Variants in POU6F2 observed in about 807,000 individuals in gnomAD.
POU6F2 encodes POU class 6 homeobox 2.
A neutral mutation model predicts 71.3 loss-of-function variants in POU6F2; 31 were observed. The observed-to-expected ratio is 0.43, with a 90% confidence interval of 0.33 to 0.59. POU6F2 has a LOEUF of 0.59. POU6F2 is among the 20% of genes least tolerant of loss of function. The pLI, the probability that POU6F2 is intolerant of heterozygous loss-of-function variation, is 0.04. For synonymous variants in POU6F2, 347 were observed against 355.7 expected (o/e 0.98, Z 0.27); for missense variants, 783 against 856.8 (o/e 0.91, Z 1.07).
At chr7:38,997,551 A>T (rs908102921) in intron 1 of POU6F2, among the ~76,000 whole-genome samples, 22 of 152,158 alleles carry the variant, frequency 1.4e-4, no homozygotes, top group African/African-American at 5.3e-4. Flanking sequence ...TTTTAGGGGT[A>T]TTATAAGCCT....
At position 39,347,743 on chromosome 7, in the gene POU6F2, T is replaced by TGCCTCAGCCTCCC. The variant is rs1199295448; in HGVS notation, c.972+7730_972+7742dup. On this transcript the variant is annotated intron_variant, in intron 5 of 9. Coordinates refer to ENST00000518318, the MANE Select transcript of POU6F2 (RefSeq NM_001370959.1). ...ACCTCCCAGGCTCAAGCCATCCTCCTGCCTCAGCCTCCCGAGCGTCTGGGA... is the reference window on the plus strand; with the variant it reads ...ACCTCCCAGGCTCAAGCCATCCTCCTGCCTCAGCCTCCCGCCTCAGCCTCCCGAGCGTCTGGGA... 6.2e-5 allele frequency among the ~76,000 whole-genome samples: 9 copies of TGCCTCAGCCTCCC among 144,904 alleles called. 1 individual carries two copies. Among genetic ancestry groups the TGCCTCAGCCTCCC allele is most frequent in the Non-Finnish European group, 1.2e-4 (8 of 64,644 alleles).
At chr7:39,329,010 T>C (rs17619162) in intron 4 of POU6F2, 17,806 of 159,118 alleles carry the variant, frequency 0.11, 1,245 homozygotes, top group Non-Finnish European at 0.15. Context: ...AAACAATGTC[T>C]AGTCCATGCA....
At position 39,015,830 on chromosome 7, in the gene POU6F2, G is replaced by GATATATATTATATTATATATAGAT. The variant is rs369581413; in HGVS notation, c.105+37779_105+37780insTTATATTATATATAGATATATATA. Among the ~76,000 whole-genome samples, 37 of 64,544 alleles carry GATATATATTATATTATATATAGAT rather than the reference G, an allele frequency of 5.7e-4. 2 individuals are homozygous for GATATATATTATATTATATATAGAT. Among genetic ancestry groups the GATATATATTATATTATATATAGAT allele is most frequent in the South Asian group, 2.8e-3 (6 of 2,108 alleles). 42.3% of individuals were successfully genotyped at this position (64,544 alleles called of 152,430 possible). On this transcript the variant is annotated intron_variant, in intron 1 of 9. Coordinates refer to ENST00000518318, the MANE Select transcript of POU6F2 (RefSeq NM_001370959.1). ...ATTATATAGGTATATATTATATATA[G>GATATATATTATATTATATATAGAT]ATATATAATATATTATATATAGATA...
At chr7:39,101,446 ATTT>A (rs34625792) in intron 2 of POU6F2, among the ~76,000 whole-genome samples, 3 of 141,714 alleles carry the variant, frequency 2.1e-5, no homozygotes, top group Non-Finnish European at 1.5e-5. Context: ...TCTAGGCAAG[ATTT>A]TTTTTTTTTT....
chr7:39,434,677 C>A (rs189735206), intron 7 of POU6F2, among the ~76,000 whole-genome samples: 16 of 148,356 alleles, frequency 1.1e-4, no homozygotes, highest in African/African-American at 2.0e-4. Context: ...ACAAAAAACA[C>A]AAAAAAAAAT....
At chr7:39,325,668 A>T (rs1785490054) in intron 4 of POU6F2, among the ~76,000 whole-genome samples, 1 of 152,196 alleles carries the variant, frequency 6.6e-6, no homozygotes, top group Admixed American at 6.5e-5. Flanking sequence ...CAGGGGATGG[A>T]TTAAATCAAC....
At chr7:39,126,550 A>G (rs1792141070) in intron 2 of POU6F2, among the ~76,000 whole-genome samples, 2 of 152,340 alleles carry the variant, frequency 1.3e-5, no homozygotes, top group South Asian at 2.1e-4. Context: ...CATGAACTAC[A>G]GCAAAATTTG....
At chr7:39,290,498 G>A (rs930180999) in intron 4 of POU6F2, among the ~76,000 whole-genome samples, 1 of 152,196 alleles carries the variant, frequency 6.6e-6, no homozygotes, top group Non-Finnish European at 1.5e-5. Context: ...GCTGAACCTG[G>A]TGAATGGCTT....
rs554205154 is a variant in POU6F2 at position 39,196,267 on chromosome 7, T to C, written c.278-7968T>C. Among the ~76,000 whole-genome samples, 6 of 152,296 alleles carry C rather than the reference T, an allele frequency of 3.9e-5. No individual in the cohort carries two copies. In the East Asian group the frequency reaches 1.2e-3, roughly 29 times the overall value. On this transcript the variant is annotated intron_variant, in intron 2 of 9. Coordinates refer to ENST00000518318, the MANE Select transcript of POU6F2 (RefSeq NM_001370959.1). ...TTCCTTTTTTGAAGAATTCATACCT[T>C]GTCTCTCTATTATCAGCATAGATAA...
intron 7 of POU6F2, among the ~76,000 whole-genome samples, chr7:39,439,616 A>T (rs895513766): frequency 2.0e-5 from 3 of 152,056 alleles, no homozygotes; most frequent in African/African-American, 7.2e-5. Flanking sequence ...CAGCCTCCCG[A>T]GTAGCTGGGA....
At chr7:39,206,230 C>A (rs765297843) in intron 3 of POU6F2, among the ~76,000 whole-genome samples, 2 of 152,114 alleles carry the variant, frequency 1.3e-5, no homozygotes, top group Non-Finnish European at 2.9e-5. Context: ...AATGAAAGTC[C>A]TGAATCAAGG....
At chr7:39,113,938 C>A (rs1468116099) in intron 2 of POU6F2, among the ~76,000 whole-genome samples, 1 of 152,162 alleles carries the variant, frequency 6.6e-6, no homozygotes, top group Non-Finnish European at 1.5e-5. Flanking sequence ...GAATACCCTT[C>A]TGGCTAGGTC....
intron 2 of POU6F2, among the ~76,000 whole-genome samples, chr7:39,198,461 G>C (rs1170571312): frequency 1.3e-5 from 2 of 152,174 alleles, no homozygotes; most frequent in Non-Finnish European, 2.9e-5. Context: ...CCCAAAGAAA[G>C]CTGGACTTCC....
intron 1 of POU6F2, among the ~76,000 whole-genome samples, chr7:39,028,994 T>C (rs1042019604): frequency 6.6e-6 from 1 of 151,958 alleles, no homozygotes; most frequent in Non-Finnish European, 1.5e-5. Context: ...GGCCTGGCTA[T>C]TAATAAATAA....
chr7:39,155,039 C>T (rs1792841405), intron 2 of POU6F2, among the ~76,000 whole-genome samples: 1 of 152,046 alleles, frequency 6.6e-6, no homozygotes, highest in South Asian at 2.1e-4. Flanking sequence ...CCCTCTCATC[C>T]ATAAAAGAAC....
intron 1 of POU6F2, among the ~76,000 whole-genome samples, chr7:39,046,725 C>T (rs1790298788): frequency 6.6e-6 from 1 of 151,912 alleles, no homozygotes; most frequent in Non-Finnish European, 1.5e-5. Flanking sequence ...GACCCCTTCT[C>T]ACTGGTTATG....
At chr7:39,041,368 G>A (rs1477228288) in intron 1 of POU6F2, among the ~76,000 whole-genome samples, 1 of 151,868 alleles carries the variant, frequency 6.6e-6, no homozygotes, top group Non-Finnish European at 1.5e-5. Flanking sequence ...TAGAAGTGGA[G>A]GTTCGTTGGT....
intron 1 of POU6F2, among the ~76,000 whole-genome samples, chr7:39,015,431 ATAAT>A (rs1789454432): frequency 1.6e-5 from 2 of 128,372 alleles, no homozygotes; most frequent in African/African-American, 5.9e-5. Context: ...TCTATTATAT[ATAAT>A]ATATAATCTA....
intron 4 of POU6F2, among the ~76,000 whole-genome samples, chr7:39,288,211 G>T (rs1784686179): frequency 6.6e-6 from 1 of 152,058 alleles, no homozygotes; most frequent in South Asian, 2.1e-4. Context: ...CAATTCAGGG[G>T]ACTATTTATC....
Sources: gnomAD v4.1 joint callset for allele counts (sites outside exome capture counted in the v4.1 genomes callset) on GRCh38, gnomAD v4.1.1 for gene constraint, MANE v1.5 for transcripts, NCBI Gene and HGNC (gene_info 2026-07-23, HGNC 2026-07-21) for gene names.